NFKBID: variants seen among roughly 807,000 people sequenced by gnomAD.
NFKBID encodes NF-kappa-B inhibitor delta.
A neutral mutation model predicts 53.4 loss-of-function variants in NFKBID; 26 were observed. The ratio of observed to expected loss-of-function variants is 0.49; its 90% CI spans 0.36 to 0.68. The LOEUF is 0.68. Among genes scored for constraint, NFKBID ranks in the 30% least tolerant of loss-of-function variants. The pLI is 0.00. For synonymous variants in NFKBID, 262 were observed against 259.8 expected, an observed-to-expected ratio of 1.01 and a Z score of -0.08; for missense variants, 493 against 614.1, an observed-to-expected ratio of 0.80 and a Z score of 2.08.
upstream of NFKBID, among the ~76,000 whole-genome samples, chr19:35,901,102 G>T (rs1488534660): frequency 1.3e-5 from 2 of 152,018 alleles, no homozygotes; most frequent in African/African-American, 4.8e-5. Context: ...CAAAGTGCTG[G>T]GATTACAGGC....
At position 35,896,787 on chromosome 19, in the gene NFKBID, T is replaced by C. The variant is rs757711141; in HGVS notation, c.623A>G (p.Tyr208Cys). 1.2e-6 allele frequency: 2 copies of C among 1,613,938 alleles called. No individual in the cohort carries two copies. The highest frequency in any genetic ancestry group is 1.7e-6 in the Non-Finnish European group (2 of 1,179,902). Residue 208 changes from tyrosine to cysteine, a missense_variant, in exon 6 of 12, where the codon TAT becomes TGT. By Grantham distance (194) the Tyr-to-Cys change is radical. Transcript: ENST00000641389. This position sits in a 1 kb window ranked among gnomAD's most constrained non-coding sequence, Gnocchi z 5.7. The stretch of plus-strand genomic sequence containing the variant: ...CACCTGGAGCACCTCAGCCGCAGCA[T>C]ATGCCGCCCAGCGCAGCCCCCGAGC...
Position 35,896,839 on chromosome 19 carries a change from C to T in NFKBID, c.579-8G>A. 1 of 1,614,170 alleles carries T rather than the reference C, an allele frequency of 6.2e-7. No homozygotes were observed. The highest frequency in any genetic ancestry group is 8.5e-7 in the Non-Finnish European group (1 of 1,179,996). On this transcript the variant is annotated splice_region_variant and splice_polypyrimidine_tract_variant and intron_variant, in intron 5 of 11. Coordinates refer to ENST00000641389, the Ensembl canonical transcript of NFKBID. This position sits in a 1 kb window ranked among gnomAD's most constrained non-coding sequence, Gnocchi z 5.7. ...GCAAACAGGTGAAGGAGCCTGAGGA[C>T]AGGTGGGGGACAGCCGTGAGAACAG... is the stretch of plus-strand genomic sequence containing the variant.
At chr19:35,890,110 T>G in intron 10 of NFKBID, 56 bp from the exon 11 acceptor site, 1 of 1,499,594 alleles carries the variant, frequency 6.7e-7, no homozygotes, top group South Asian at 1.2e-5. Flanking sequence ...CCCAGGCCTC[T>G]AAACTGCACT....
chr19:35,902,148 G>A (rs1975582367), upstream of NFKBID: 3 of 702,838 alleles, frequency 4.3e-6, no homozygotes, highest in Non-Finnish European at 2.6e-6. Context: ...TTCCAACCCT[G>A]TATGCCCAAA....
chr19:35,893,701 T>C (rs1035197902), intron 9 of NFKBID, among the ~76,000 whole-genome samples: 2 of 151,554 alleles, frequency 1.3e-5, no homozygotes, highest in African/African-American at 2.4e-5. Flanking sequence ...GTGCCTATAG[T>C]CCCAGCTACT....
At chr19:35,897,983 G>A (rs1293461956) in intron 3 of NFKBID, 127 bp from the exon 4 acceptor site, 8 of 643,156 alleles carry the variant, frequency 1.2e-5, no homozygotes, top group Admixed American at 2.8e-5. Flanking sequence ...CAAGCTCCCG[G>A]GACCTGGATT....
intron 10 of NFKBID, 51 bp from the exon 11 acceptor site, chr19:35,890,105 G>T (rs1974654265): frequency 6.6e-7 from 1 of 1,517,768 alleles, no homozygotes; most frequent in Non-Finnish European, 8.9e-7. Flanking sequence ...GCTGGCCCAG[G>T]CCTCTAAACT....
chr19:35,892,572 T>G (rs1974852605), intron 9 of NFKBID, among the ~76,000 whole-genome samples: 1 of 151,564 alleles, frequency 6.6e-6, no homozygotes, highest in South Asian at 2.1e-4. Flanking sequence ...ATTTGTCCTT[T>G]TTTCAGAGAA....
At chr19:35,888,393 T>G in exon 12 of NFKBID, 1 of 594,364 alleles carries the variant, frequency 1.7e-6, no homozygotes, top group Non-Finnish European at 3.0e-6. Flanking sequence ...GCACCCCAAA[T>G]ATTGGGGCCT....
In NFKBID at chr19:35,896,377, G is replaced by C. The variant is rs1386689660; in HGVS notation, c.831+15C>G. 2 of 1,613,980 alleles carry C rather than the reference G, an allele frequency of 1.2e-6. No individual in the cohort carries two copies. Among genetic ancestry groups the C allele is most frequent in the Non-Finnish European group, 1.7e-6 (2 of 1,179,996 alleles). On this transcript the variant is annotated intron_variant, in intron 7 of 11. Transcript: ENST00000641389. This position sits in a 1 kb window ranked among gnomAD's most constrained non-coding sequence, Gnocchi z 5.7. Reference sequence around the variant, plus strand: ...CTACCCCCCAGACAAACCCCTGCCTGCCAGCTGGCCATACCAAGAGAACTC... The same window carrying C: ...CTACCCCCCAGACAAACCCCTGCCTCCCAGCTGGCCATACCAAGAGAACTC...
intron 1 of NFKBID, among the ~76,000 whole-genome samples, chr19:35,899,208 C>T (rs1312936606): frequency 6.6e-6 from 1 of 152,094 alleles, no homozygotes; most frequent in Non-Finnish European, 1.5e-5. Context: ...AGACTCACAT[C>T]CAGGTTCCCA....
At chr19:35,898,031 G>A (rs1405732004) in intron 3 of NFKBID, among the ~76,000 whole-genome samples, 175 bp from the exon 4 acceptor site, 1 of 151,958 alleles carries the variant, frequency 6.6e-6, no homozygotes, top group Non-Finnish European at 1.5e-5. Context: ...GGACTCCTGG[G>A]GCACTAAAAA....
intron 10 of NFKBID, 102 bp from the exon 11 acceptor site, chr19:35,890,156 T>C: frequency 7.9e-7 from 1 of 1,273,480 alleles, no homozygotes; most frequent in Non-Finnish European, 1.1e-6. Flanking sequence ...ACACTTGTCC[T>C]TTCACATCCC....
At position 35,896,841 on chromosome 19, in the gene NFKBID, G is replaced by A. The variant is rs1443794571; in HGVS notation, c.579-10C>T. On this transcript the variant is annotated splice_polypyrimidine_tract_variant and intron_variant, in intron 5 of 11. Coordinates refer to ENST00000641389, the Ensembl canonical transcript of NFKBID. The surrounding 1 kb of genome is among the most constrained non-coding windows in gnomAD (Gnocchi z 5.7). ...AAACAGGTGAAGGAGCCTGAGGACAGGTGGGGGACAGCCGTGAGAACAGCC... is the reference window on the plus strand; with the variant it reads ...AAACAGGTGAAGGAGCCTGAGGACAAGTGGGGGACAGCCGTGAGAACAGCC... The A allele has an allele frequency of 1.2e-6, 2 of 1,614,140 alleles. No individual in the cohort carries two copies. The highest frequency in any genetic ancestry group is 1.7e-5 in the Admixed American group (1 of 60,018).
intron 3 of NFKBID, 147 bp from the exon 4 acceptor site, chr19:35,898,003 C>T (rs1296902072): frequency 3.2e-6 from 2 of 628,322 alleles, no homozygotes; most frequent in Non-Finnish European, 5.6e-6. Context: ...TCCTGGGACA[C>T]TGAGGAATTG....
exon 4 of NFKBID, chr19:35,897,709 G>A: frequency 6.2e-7 from 1 of 1,612,630 alleles, no homozygotes; most frequent in Non-Finnish European, 8.5e-7. Context: ...GTAGAAGTCA[G>A]GAGGCAGGAA....
At position 35,897,063 on chromosome 19, in the gene NFKBID, G is replaced by A; in HGVS notation, c.433-5C>T. On this transcript the variant is annotated splice_polypyrimidine_tract_variant and splice_region_variant and intron_variant, in intron 4 of 11. Coordinates refer to ENST00000641389, the Ensembl canonical transcript of NFKBID. ...AGAAACTCTCCAGGGTCCAGCCTGT[G>A]GCAGAGAAGATCCTACATAGAACTG... 6.3e-7 allele frequency: 1 copy of A among 1,599,070 alleles called. No individual in the cohort carries two copies.
At chr19:35,897,736 G>A (rs777295206) in exon 4 of NFKBID, 2 of 1,612,716 alleles carry the variant, frequency 1.2e-6, no homozygotes, top group Admixed American at 3.3e-5. Context: ...GGCAGCAGAA[G>A]CAGGGCAAGA....
intron 9 of NFKBID, among the ~76,000 whole-genome samples, chr19:35,895,142 G>T (rs1975047160): frequency 6.6e-6 from 1 of 152,026 alleles, no homozygotes; most frequent in African/African-American, 2.4e-5. Context: ...AATAGTAAGT[G>T]CTTGATAACA....
Sources: allele counts gnomAD v4.1 joint callset (sites outside exome capture counted in the v4.1 genomes callset), GRCh38; gene constraint gnomAD v4.1.1; non-coding constraint Gnocchi (gnomAD v3.1); transcripts MANE v1.5; gene names NCBI Gene and HGNC (gene_info 2026-07-23, HGNC 2026-07-21).